CHN2: variants seen among roughly 807,000 people sequenced by gnomAD.
CHN2 encodes chimerin 2.
Under a neutral mutation model 56.3 loss-of-function variants are expected in CHN2, and 35 were observed. That is an observed-to-expected ratio of 0.62 (90% CI 0.47 to 0.82). CHN2 has a LOEUF of 0.82. CHN2 is among the 40% of genes least tolerant of loss of function. The pLI is 0.00. For synonymous variants in CHN2, 210 were observed against 212.8 expected, an observed-to-expected ratio of 0.99 and a Z score of 0.12; for missense variants, 491 against 580.5, an observed-to-expected ratio of 0.85 and a Z score of 1.58.
At chr7:29,390,570 T>C (rs1801285771) in intron 3 of CHN2, among the ~76,000 whole-genome samples, 1 of 152,282 alleles carries the variant, frequency 6.6e-6, no homozygotes, top group Non-Finnish European at 1.5e-5. Flanking sequence ...AACATAGTTT[T>C]CAATGAGAAT....
At chr7:29,162,068 G>A (rs1464898204) in intron 2 of CHN2, among the ~76,000 whole-genome samples, 4 of 152,126 alleles carry the variant, frequency 2.6e-5, no homozygotes, top group Non-Finnish European at 4.4e-5. Flanking sequence ...CTCAGACATC[G>A]CTGGTGGCAA....
At chr7:29,297,296 G>T (rs1182569037) in intron 1 of CHN2, among the ~76,000 whole-genome samples, 1 of 152,124 alleles carries the variant, frequency 6.6e-6, no homozygotes, top group African/African-American at 2.4e-5. Context: ...AGTGTTCTGG[G>T]GACCCCTTTA....
At chr7:29,329,426 C>T (rs910566126) in intron 1 of CHN2, among the ~76,000 whole-genome samples, 2 of 146,518 alleles carry the variant, frequency 1.4e-5, no homozygotes, top group Non-Finnish European at 3.0e-5. Context: ...ACAGTGTGCC[C>T]TTCATAATAG....
chr7:29,149,035 T>C (rs1314521475), intron 2 of CHN2, among the ~76,000 whole-genome samples: 1 of 152,098 alleles, frequency 6.6e-6, no homozygotes, highest in African/African-American at 2.4e-5. Flanking sequence ...CTTGGACAGA[T>C]GGACTGTGCG....
chr7:29,192,118 T>C (rs1782962431), upstream of CHN2: 1 of 152,222 alleles, frequency 6.6e-6, no homozygotes, highest in African/African-American at 2.4e-5. Context: ...TTATAGCTCA[T>C]ATCACACCGA....
At chr7:29,508,418 TA>T (rs5883218) in intron 11 of CHN2, among the ~76,000 whole-genome samples, 27,325 of 144,966 alleles carry the variant, frequency 0.19, 2,513 homozygotes, top group South Asian at 0.21. Flanking sequence ...TGTTTTTATT[TA>T]AAAAAAAAAA....
intron 1 of CHN2, among the ~76,000 whole-genome samples, chr7:29,250,964 C>T (rs1788464131): frequency 6.6e-6 from 1 of 152,154 alleles, no homozygotes; most frequent in African/African-American, 2.4e-5. Context: ...CCCGCCTCAG[C>T]CTCCCAAAGT....
chr7:29,302,770 C>T (rs960447071), intron 1 of CHN2, among the ~76,000 whole-genome samples: 1 of 152,064 alleles, frequency 6.6e-6, no homozygotes, highest in African/African-American at 2.4e-5. Flanking sequence ...ATTCTCCTCC[C>T]CTCTCCAGAA....
chr7:29,390,748 G>T (rs190984803), intron 3 of CHN2, among the ~76,000 whole-genome samples: 1 of 152,232 alleles, frequency 6.6e-6, no homozygotes, highest in Admixed American at 6.5e-5. Context: ...GGCCAACACG[G>T]AGCCTTGCCC....
chr7:29,335,990 G>A (rs999737080), intron 1 of CHN2: 1 of 152,304 alleles, frequency 6.6e-6, no homozygotes, highest in Non-Finnish European at 1.5e-5. Context: ...GCTCCAGTGG[G>A]GTAGCTTTGC....
At chr7:29,490,268 T>C (rs1198710147) in intron 7 of CHN2, among the ~76,000 whole-genome samples, 3 of 152,186 alleles carry the variant, frequency 2.0e-5, no homozygotes, top group Non-Finnish European at 4.4e-5. Context: ...CCCCACCTGC[T>C]CAATCTTTCC....
In CHN2 at chr7:29,511,529, T is replaced by A. The variant is rs527632361; in HGVS notation, c.1236-1035T>A. Among the ~76,000 whole-genome samples the A allele has an allele frequency of 5.3e-5, 8 of 152,280 alleles. 1 individual carries two copies. The South Asian group carries it at 1.7e-3, about 32-fold the overall frequency. On this transcript the variant is annotated intron_variant, in intron 12 of 12. Coordinates refer to ENST00000222792, the MANE Select transcript of CHN2 (RefSeq NM_004067.4). ...GTTTAGTCAGGCATAGTGCCTGACT[T>A]AAGAGGAAACTGTGGGCACTTTGAT...
At chr7:29,470,841 G>A (rs1187079920) in intron 6 of CHN2, among the ~76,000 whole-genome samples, 1 of 152,156 alleles carries the variant, frequency 6.6e-6, no homozygotes, top group Non-Finnish European at 1.5e-5. Context: ...CTTGACTTTT[G>A]TAGGAAAACC....
In CHN2 at chr7:29,250,250, T is replaced by A. The variant is rs548281010; in HGVS notation, c.49+55260T>A. On this transcript the variant is annotated intron_variant, in intron 1 of 12. Transcript: ENST00000222792. Reference sequence around the variant, plus strand: ...ATATATTCCCATTTAAAAATATCCTTTTATCTGCATTGCAAAAATGAAATT... The same window carrying A: ...ATATATTCCCATTTAAAAATATCCTATTATCTGCATTGCAAAAATGAAATT... 6.6e-5 allele frequency among the ~76,000 whole-genome samples: 10 copies of A among 152,330 alleles called. No homozygotes were observed. In the East Asian group the frequency reaches 1.7e-3, roughly 26 times the overall value.
At chr7:29,309,710 A>T (rs1408872032) in intron 1 of CHN2, among the ~76,000 whole-genome samples, 1 of 152,194 alleles carries the variant, frequency 6.6e-6, no homozygotes, top group Non-Finnish European at 1.5e-5. Context: ...CAAGGAGCTG[A>T]TGGGAATAGG....
intron 1 of CHN2, among the ~76,000 whole-genome samples, chr7:29,323,193 T>C (rs1481816498): frequency 7.1e-6 from 1 of 141,510 alleles, no homozygotes; most frequent in East Asian, 2.5e-4. Flanking sequence ...TGCTTGCTTG[T>C]ATTGGCACTG....
chr7:29,377,242 T>G (rs1429515398), intron 3 of CHN2, among the ~76,000 whole-genome samples: 1 of 152,192 alleles, frequency 6.6e-6, no homozygotes, highest in East Asian at 1.9e-4. Context: ...CAGGCTGGTC[T>G]CAAACTCCTT....
intron 2 of CHN2, among the ~76,000 whole-genome samples, chr7:29,152,348 G>T (rs1793710223): frequency 6.6e-6 from 1 of 152,132 alleles, no homozygotes; most frequent in African/African-American, 2.4e-5. Context: ...CTACACCTAG[G>T]AGCACCAAGC....
chr7:29,297,631 CAG>C (rs1211241847), intron 1 of CHN2, among the ~76,000 whole-genome samples: 1 of 152,042 alleles, frequency 6.6e-6, no homozygotes, highest in Admixed American at 6.5e-5. Flanking sequence ...GTAGTTTGCA[CAG>C]AGAGAGGGCG....
Sources: allele counts gnomAD v4.1 joint callset (sites outside exome capture counted in the v4.1 genomes callset), GRCh38; gene constraint gnomAD v4.1.1; transcripts MANE v1.5; gene names NCBI Gene and HGNC (gene_info 2026-07-23, HGNC 2026-07-21).